The following LPIN1 variants were observed in gnomAD, a reference collection of about 807,000 sequenced individuals.
LPIN1 encodes the protein lipin 1.
In LPIN1, 71 loss-of-function variants were observed where a neutral mutation model predicts 107.5. That is an observed-to-expected ratio of 0.66 (90% CI 0.55 to 0.80). The LOEUF (loss-of-function observed/expected upper bound fraction) is 0.80, where lower values mean the gene tolerates loss of function less well. Among genes scored for constraint, LPIN1 ranks in the 30% least tolerant of loss-of-function variants. LPIN1 has a pLI of 0.00. For missense variants in LPIN1, 1,043 were observed against 1,160.6 expected (o/e 0.90, Z 1.47); for synonymous variants, 445 against 452.6 (o/e 0.98, Z 0.21).
intron 1 of LPIN1, chr2:11,682,131 G>A (rs902336117): frequency 3.3e-5 from 5 of 152,434 alleles, no homozygotes; most frequent in African/African-American, 1.2e-4. Flanking sequence ...TCCGTGGGGA[G>A]CGGGGCTTTG....
At position 11,701,956 on chromosome 2, in the gene LPIN1, C is replaced by T. The variant is rs376847091; in HGVS notation, c.82-11800C>T. On this transcript the variant is annotated intron_variant, in intron 1 of 21. Transcript: ENST00000449576. ...CCTCCTGCGTATGTCAACTTTCTGA[C>T]GTCATTGTGCTCATCTCTGCTGAGT... Among the ~76,000 whole-genome samples the T allele has an allele frequency of 2.0e-4, 30 of 152,324 alleles. No homozygotes were observed. The South Asian group carries it at 3.9e-3, about 20-fold the overall frequency.
chr2:11,746,477 CG>C (rs557844178), upstream of LPIN1: 193 of 184,120 alleles, frequency 1.0e-3, no homozygotes, highest in African/African-American at 4.5e-3. Flanking sequence ...CAGGGGTGAG[CG>C]GGCAGGGCCG....
chr2:11,689,722 G>A (rs1261258345), intron 1 of LPIN1, among the ~76,000 whole-genome samples: 1 of 152,144 alleles, frequency 6.6e-6, no homozygotes, highest in African/African-American at 2.4e-5. Flanking sequence ...TGGCCAACAT[G>A]GCGAAACCCC....
intron 1 of LPIN1, chr2:11,677,838 C>G: frequency 1.0e-6 from 1 of 967,372 alleles, no homozygotes; most frequent in East Asian, 2.6e-5. Flanking sequence ...GCCCAGAGCG[C>G]CTTGTTCGGG....
At chr2:11,800,783 G>A (rs1677580434) in intron 14 of LPIN1, among the ~76,000 whole-genome samples, 2 of 152,148 alleles carry the variant, frequency 1.3e-5, no homozygotes, top group Admixed American at 1.3e-4. Context: ...GACAATCCTG[G>A]TACTTCTTCT....
rs552710680 is a variant in LPIN1 at position 11,784,805 on chromosome 2, C to T, written c.1359-81C>T. The T allele has an allele frequency of 4.5e-5, 61 of 1,364,048 alleles. No homozygotes were observed. The East Asian group carries it at 1.3e-3, about 29-fold the overall frequency. 84.5% of individuals were successfully genotyped at this position (1,364,048 alleles called of 1,614,324 possible). On this transcript the variant is annotated intron_variant, in intron 9 of 20. Coordinates refer to ENST00000674199, the MANE Select transcript of LPIN1 (RefSeq NM_001349206.2). ...CTGCGGCTCTGAGGGTGGCCGCGTGCCAGAGCATCACTGGATGGTGATGTA... is the reference window on the plus strand; with the variant it reads ...CTGCGGCTCTGAGGGTGGCCGCGTGTCAGAGCATCACTGGATGGTGATGTA...
chr2:11,691,702 T>C (rs1459252352), intron 1 of LPIN1, among the ~76,000 whole-genome samples: 3 of 152,192 alleles, frequency 2.0e-5, no homozygotes, highest in Non-Finnish European at 4.4e-5. Flanking sequence ...ATCTTGACCA[T>C]GAGCCACAAG....
chr2:11,732,140 T>C (rs1414678864), intron 1 of LPIN1, among the ~76,000 whole-genome samples: 1 of 152,168 alleles, frequency 6.6e-6, no homozygotes, highest in African/African-American at 2.4e-5. Context: ...TTTTAAGTAA[T>C]GATGAGTTTA....
At position 11,733,755 on chromosome 2, in the gene LPIN1, G is replaced by T. The variant is rs530183159; in HGVS notation, c.-71-7594G>T. Among the ~76,000 whole-genome samples the T allele has an allele frequency of 3.9e-5, 6 of 152,340 alleles. No homozygotes were observed. The South Asian group carries it at 1.0e-3, about 26-fold the overall frequency. Reference sequence around the variant, plus strand: ...AATCTTCCCGCCTCGGCCTCCCAAAGTGCTGGGATTACAGGCGTGAGCCAC... The same window carrying T: ...AATCTTCCCGCCTCGGCCTCCCAAATTGCTGGGATTACAGGCGTGAGCCAC... On this transcript the variant is annotated intron_variant, in intron 1 of 21. Coordinates refer to the LPIN1 transcript ENST00000396097.
At chr2:11,820,323 TATCTC>T (rs1265606229) in intron 19 of LPIN1, 83 bp from the exon 20 acceptor site, 1 of 838,816 alleles carries the variant, frequency 1.2e-6, no homozygotes. Context: ...GAAAATTTGA[TATCTC>T]ATCAAATCAG....
At chr2:11,811,474 A>G (rs1203548687) in intron 17 of LPIN1, among the ~76,000 whole-genome samples, 3 of 152,182 alleles carry the variant, frequency 2.0e-5, no homozygotes, top group African/African-American at 7.2e-5. Context: ...TTTCCAGCTA[A>G]GTTTAGTCAG....
At position 11,683,669 on chromosome 2, in the gene LPIN1, TC is replaced by T. The variant is rs908228493; in HGVS notation, c.81+5947del. Reference sequence around the variant, plus strand: ...AGAGGAGAGAAGATGGGGCGTGGCTTCCCCCCAATGCTGTGGTCGTCGAGGT... The same window carrying T: ...AGAGGAGAGAAGATGGGGCGTGGCTTCCCCCAATGCTGTGGTCGTCGAGGT... On this transcript the variant is annotated intron_variant, in intron 1 of 21. Coordinates refer to the LPIN1 transcript ENST00000449576. Among the ~76,000 whole-genome samples, 4 of 152,298 alleles carry T rather than the reference TC, an allele frequency of 2.6e-5. No homozygotes were observed. In the East Asian group the frequency reaches 5.8e-4, roughly 22 times the overall value.
intron 7 of LPIN1, 81 bp from the exon 8 acceptor site, chr2:11,782,120 C>A: frequency 9.5e-7 from 1 of 1,054,794 alleles, no homozygotes; most frequent in Non-Finnish European, 1.5e-6. Context: ...ATTACTTGTT[C>A]TCCTTGGGTC....
intron 12 of LPIN1, among the ~76,000 whole-genome samples, chr2:11,789,576 G>A (rs540747595): frequency 8.6e-5 from 13 of 151,374 alleles, no homozygotes; most frequent in Admixed American, 2.6e-4. Context: ...GTGTGTGTGC[G>A]TGTGTGTGTG....
intron 1 of LPIN1, among the ~76,000 whole-genome samples, chr2:11,749,450 C>T (rs1667461613): frequency 6.6e-6 from 1 of 152,210 alleles, no homozygotes; most frequent in South Asian, 2.1e-4. Context: ...GGTTCCCTTC[C>T]TCTTCCTCTT....
intron 1 of LPIN1, among the ~76,000 whole-genome samples, chr2:11,683,597 T>C (rs1166697914): frequency 6.6e-6 from 1 of 152,180 alleles, no homozygotes; most frequent in African/African-American, 2.4e-5. Context: ...AAGTAACGGG[T>C]CCGCCCTTCT....
At position 11,812,890 on chromosome 2, in the gene LPIN1, G is replaced by A. The variant is rs567757588; in HGVS notation, c.2250-2198G>A. ...GGCCAGGAGGCCATGCGGTGTGGAC[G>A]TGGTGGGAGCACTGGGTGGTGCCGA... On this transcript the variant is annotated intron_variant, in intron 17 of 20. Transcript: ENST00000674199. Among the ~76,000 whole-genome samples, 58 of 151,790 alleles carry A rather than the reference G, an allele frequency of 3.8e-4. 1 individual carries two copies. The highest frequency in any genetic ancestry group is 1.2e-3 in the African/African-American group (51 of 41,350).
At chr2:11,708,035 C>G (rs77534915) in intron 1 of LPIN1, among the ~76,000 whole-genome samples, 5,900 of 152,142 alleles carry the variant, frequency 0.039, 155 homozygotes, top group Middle Eastern at 0.065. Context: ...GATCCGCATC[C>G]GAGACCAGCT....
intron 20 of LPIN1, among the ~76,000 whole-genome samples, chr2:11,824,346 C>T (rs1197175540): frequency 6.6e-6 from 1 of 151,470 alleles, no homozygotes; most frequent in Non-Finnish European, 1.5e-5. Context: ...TGACTTCCTC[C>T]TGCCGTCTTT....
Sources: allele counts gnomAD v4.1 joint callset (sites outside exome capture counted in the v4.1 genomes callset), GRCh38; gene constraint gnomAD v4.1.1; transcripts MANE v1.5; gene names NCBI Gene and HGNC (gene_info 2026-07-23, HGNC 2026-07-21).